VPS37C: variants seen among roughly 807,000 people sequenced by gnomAD.
VPS37C encodes VPS37C subunit of ESCRT-I.
VPS37C carries 9 observed loss-of-function variants against 16.1 expected under a neutral mutation model. That is an observed-to-expected ratio of 0.56 (90% CI 0.34 to 0.97). VPS37C has a LOEUF of 0.97. VPS37C is among the 50% of genes least tolerant of loss of function. The probability of loss-of-function intolerance (pLI) is 0.02; values close to 1 mark genes in which losing one functional copy is unlikely to be tolerated. For missense variants in VPS37C, 479 were observed against 472.7 expected, an observed-to-expected ratio of 1.01 and a Z score of -0.12; for synonymous variants, 207 against 206.4, an observed-to-expected ratio of 1.00 and a Z score of -0.02.
rs1274677820 is a variant in VPS37C, at chr11:61,131,703, C to T, written c.*117G>A. Reference sequence around the variant, plus strand: ...TCCCTCCAAGGCCTCTGGGTGCCGACGCAAGTCCACAGGGAGCACCAACGC... The same window carrying T: ...TCCCTCCAAGGCCTCTGGGTGCCGATGCAAGTCCACAGGGAGCACCAACGC... On this transcript the variant is annotated 3_prime_UTR_variant, in exon 5 of 5. Coordinates refer to ENST00000301765, the MANE Select transcript of VPS37C (RefSeq NM_017966.5). 1 of 1,222,544 alleles carries T rather than the reference C, an allele frequency of 8.2e-7. No individual in the cohort carries two copies. Among genetic ancestry groups the T allele is most frequent in the East Asian group, 3.2e-5 (1 of 31,648 alleles). The allele number at this position is 1,222,544 out of a possible 1,614,324, so 75.7% of individuals were successfully genotyped here. A position where few individuals can be genotyped will look rare whatever the true frequency, so the allele number is the denominator to read the frequency against.
intron 4 of VPS37C, 144 bp from the exon 5 acceptor site, chr11:61,132,683 T>C (rs1298609148): frequency 3.7e-6 from 4 of 1,075,802 alleles, no homozygotes; most frequent in African/African-American, 1.6e-5. Context: ...ACGCCCCTTC[T>C]CACAGCTGAC....
chr11:61,156,665 T>C (rs1390747900), intron 1 of VPS37C, among the ~76,000 whole-genome samples: 6 of 152,210 alleles, frequency 3.9e-5, no homozygotes, highest in East Asian at 1.9e-4. Flanking sequence ...ACACAAATTG[T>C]TTAGAAGTAA....
At chr11:61,150,342 C>A (rs1189555778) in intron 1 of VPS37C, among the ~76,000 whole-genome samples, 1 of 152,146 alleles carries the variant, frequency 6.6e-6, no homozygotes, top group Non-Finnish European at 1.5e-5. Flanking sequence ...TCACAACCAT[C>A]CCACCAGGCT....
intron 1 of VPS37C, chr11:61,144,621 G>A (rs1418390854): frequency 6.6e-6 from 1 of 152,356 alleles, no homozygotes; most frequent in Non-Finnish European, 1.5e-5. Context: ...GATTTGCAGT[G>A]ACGTGACAAT....
Position 61,132,236 on chromosome 11 carries a change from T to C in VPS37C, c.652A>G (p.Thr218Ala), listed in dbSNP as rs758133603. The change falls in exon 5 of 5, where the codon ACT becomes GCT. Residue 218 changes from threonine (T) to alanine (A), a missense_variant. Coordinates refer to ENST00000301765, the MANE Select transcript of VPS37C (RefSeq NM_017966.5). ...SPSPSLPVGP[T>A]AHGALPPAPF... Reference sequence around the variant, plus strand: ...GCCGGTGGCAGGGCTCCATGGGCAGTGGGGCCCACAGGCAGGCTGGGGGAT... The same window carrying C: ...GCCGGTGGCAGGGCTCCATGGGCAGCGGGGCCCACAGGCAGGCTGGGGGAT... 9.8e-5 allele frequency: 148 copies of C among 1,517,502 alleles called. No homozygotes were observed. The highest frequency in any genetic ancestry group is 6.1e-4 in the Admixed American group (28 of 45,614). The allele number at this position is 1,517,502 out of a possible 1,614,324, so 94.0% of individuals were successfully genotyped here. A position where few individuals can be genotyped will look rare whatever the true frequency, so the allele number is the denominator to read the frequency against.
chr11:61,142,750 C>T (rs1330109059), intron 1 of VPS37C, among the ~76,000 whole-genome samples: 1 of 139,924 alleles, frequency 7.1e-6, no homozygotes, highest in Non-Finnish European at 1.5e-5. Context: ...CAGGAGTCCC[C>T]CTGAAACACA....
chr11:61,149,672 C>T (rs1389683739), intron 1 of VPS37C, among the ~76,000 whole-genome samples: 11 of 152,164 alleles, frequency 7.2e-5, no homozygotes, highest in Non-Finnish European at 1.5e-4. Context: ...CCAATCTAGA[C>T]AAGAGTCCTC....
Position 61,130,951 on chromosome 11 carries a change from G to A in VPS37C, c.*869C>T, listed in dbSNP as rs1006946065. 29 of 358,548 alleles carry A rather than the reference G, an allele frequency of 8.1e-5. 1 individual carries two copies. The highest frequency in any genetic ancestry group is 9.7e-4 in the Middle Eastern group (2 of 2,062). 22.2% of individuals were successfully genotyped at this position (358,548 alleles called of 1,614,324 possible). A position where few individuals can be genotyped will look rare whatever the true frequency, so the allele number is the denominator to read the frequency against. ...AGGCACTAAAGGAGTGGATGGATGC[G>A]TGGGCCTCGGGCAAAGTCGCCCTAA... is the stretch of plus-strand genomic sequence containing the variant. On this transcript the variant is annotated 3_prime_UTR_variant, in exon 5 of 5. Transcript: ENST00000301765.
intron 1 of VPS37C, among the ~76,000 whole-genome samples, chr11:61,158,924 G>A (rs1197536298): frequency 1.3e-5 from 2 of 152,236 alleles, no homozygotes; most frequent in Admixed American, 6.5e-5. Flanking sequence ...ACACCTCTCT[G>A]TCATTCGGTA....
chr11:61,146,031 C>T (rs12805902), intron 1 of VPS37C, among the ~76,000 whole-genome samples: 4,086 of 152,322 alleles, frequency 0.027, 82 homozygotes, highest in Non-Finnish European at 0.042. Context: ...ATGTCTCACT[C>T]ATCTTCGTCA....
rs921565051 is a variant in VPS37C at position 61,132,767 on chromosome 11, C to A, written c.349-228G>T. The A allele has an allele frequency of 7.7e-6, 5 of 651,756 alleles. No homozygotes were observed. The South Asian group carries it at 1.0e-4, about 13-fold the overall frequency. 40.4% of individuals were successfully genotyped at this position (651,756 alleles called of 1,614,324 possible). On this transcript the variant is annotated intron_variant, in intron 4 of 4. Transcript: ENST00000301765. ...GCGAGGACTGTCTCTGTCGTGGTCA[C>A]CTCTGTCCTGGCACCTTGGCATCAT...
intron 2 of VPS37C, 66 bp from the exon 3 acceptor site, chr11:61,134,273 G>A: frequency 1.3e-6 from 2 of 1,547,562 alleles, no homozygotes; most frequent in Non-Finnish European, 1.8e-6. Flanking sequence ...GGCAGCCTGG[G>A]TCAGGGGCTT....
At chr11:61,151,295 C>G (rs1363788148) in intron 1 of VPS37C, among the ~76,000 whole-genome samples, 1 of 152,186 alleles carries the variant, frequency 6.6e-6, no homozygotes. Flanking sequence ...GCTGTCCTAA[C>G]AAATACTAAA....
intron 1 of VPS37C, among the ~76,000 whole-genome samples, chr11:61,158,670 C>A (rs1853417383): frequency 6.6e-6 from 1 of 152,200 alleles, no homozygotes; most frequent in Non-Finnish European, 1.5e-5. Context: ...GTAGGGCCTA[C>A]CTGCCTGAGC....
At chr11:61,138,892 C>T (rs1322830222) in intron 1 of VPS37C, 57 bp from the exon 2 acceptor site, 26 of 1,499,462 alleles carry the variant, frequency 1.7e-5, no homozygotes, top group Middle Eastern at 1.7e-4. Flanking sequence ...AAGGGACCCC[C>T]GAGCCTGTAC....
At chr11:61,156,680 CTTT>C (rs1284755878) in intron 1 of VPS37C, among the ~76,000 whole-genome samples, 1 of 152,164 alleles carries the variant, frequency 6.6e-6, no homozygotes, top group Non-Finnish European at 1.5e-5. Context: ...AAGTAAAAAA[CTTT>C]TTAAGAGATA....
intron 1 of VPS37C, among the ~76,000 whole-genome samples, chr11:61,153,051 T>C (rs939598264): frequency 2.0e-5 from 3 of 152,220 alleles, no homozygotes; most frequent in African/African-American, 7.2e-5. Flanking sequence ...GCCCATGTCG[T>C]GTTTGTTTCT....
At chr11:61,139,584 A>G (rs1861437644) in intron 1 of VPS37C, among the ~76,000 whole-genome samples, 1 of 151,992 alleles carries the variant, frequency 6.6e-6, no homozygotes, top group Non-Finnish European at 1.5e-5. Flanking sequence ...AGGGCCATCG[A>G]TTGTCTGTGT....
chr11:61,145,997 A>T (rs1422183869), intron 1 of VPS37C, among the ~76,000 whole-genome samples: 1 of 152,200 alleles, frequency 6.6e-6, no homozygotes, highest in Non-Finnish European at 1.5e-5. Context: ...GTGAGAATAA[A>T]TCGACCCCTT....
Sources: gnomAD v4.1 joint callset for allele counts (sites outside exome capture counted in the v4.1 genomes callset) on GRCh38, gnomAD v4.1.1 for gene constraint, MANE v1.5 for transcripts, NCBI Gene and HGNC (gene_info 2026-07-23, HGNC 2026-07-21) for gene names.